TENM1: variants seen among roughly 807,000 people sequenced by gnomAD.
The protein encoded by TENM1 is teneurin-1.
Under a neutral mutation model 174.8 loss-of-function variants are expected in TENM1, and 35 were observed. The observed-to-expected ratio is 0.20, with a 90% CI of 0.15 to 0.27. The LOEUF is 0.27. Among genes scored for constraint, TENM1 ranks in the 10% least tolerant of loss-of-function variants. The pLI is 1.00. For missense variants in TENM1, 1,633 were observed against 2,130.1 expected (o/e 0.77, Z 4.59); for synonymous variants, 781 against 798.7 (o/e 0.98, Z 0.37).
At chrX:124,950,043 A>T (rs1326656106) in intron 1 of TENM1, among the ~76,000 whole-genome samples, 1 of 110,853 alleles carries the variant, frequency 9.0e-6, no homozygotes, top group Non-Finnish European at 1.9e-5. Context: ...GCCATCCTTG[A>T]GGCACATTGA....
chrX:124,923,521 T>C (rs770265036), intron 1 of TENM1, among the ~76,000 whole-genome samples: 1 of 112,204 alleles, frequency 8.9e-6, no homozygotes, highest in Non-Finnish European at 1.9e-5. Context: ...GTAGGCAGAA[T>C]AATGCCTAAA....
At chrX:124,987,157 A>T in the TENM1 span, among the ~76,000 whole-genome samples, 1 of 111,280 alleles carries the variant, frequency 9.0e-6, no homozygotes, top group African/African-American at 3.3e-5. Context: ...CTAAATTGAG[A>T]TCCCATAATA....
intron 3 of TENM1, among the ~76,000 whole-genome samples, chrX:124,813,309 G>A (rs1389021603): frequency 2.7e-5 from 3 of 111,644 alleles, no homozygotes; most frequent in African/African-American, 9.7e-5. Context: ...ATGTTTACAA[G>A]TATTTGAAGA....
At chrX:124,495,770 A>G (rs1338953029) in intron 20 of TENM1, among the ~76,000 whole-genome samples, 1 of 101,797 alleles carries the variant, frequency 9.8e-6, no homozygotes. Context: ...GGAAGAATCA[A>G]TATCGTGAAA....
intron 24 of TENM1, 107 bp from the exon 28 acceptor site, chrX:124,420,928 C>T: frequency 1.3e-6 from 1 of 750,312 alleles, no homozygotes; most frequent in Non-Finnish European, 1.9e-6. Context: ...AGGAAACAAT[C>T]AGTGAACCAA....
intron 3 of TENM1, among the ~76,000 whole-genome samples, chrX:124,809,843 G>GGGGAGA (rs1556343852): frequency 2.5e-5 from 2 of 78,674 alleles, no homozygotes; most frequent in East Asian, 4.2e-4. Context: ...CATGACAGCA[G>GGGGAGA]GAGAGAGAGA....
the TENM1 span, among the ~76,000 whole-genome samples, chrX:125,202,148 C>T: frequency 8.9e-6 from 1 of 111,941 alleles, no homozygotes; most frequent in African/African-American, 3.2e-5. Context: ...GGAAGATGAA[C>T]TGGGCTATTT....
At chrX:125,160,164 G>A in the TENM1 span, among the ~76,000 whole-genome samples, 44 of 101,040 alleles carry the variant, frequency 4.4e-4, no homozygotes, top group Middle Eastern at 5.6e-3. Context: ...CACCACTACT[G>A]CACTCTAACT....
At chrX:125,093,702 C>T in the TENM1 span, among the ~76,000 whole-genome samples, 1 of 111,679 alleles carries the variant, frequency 9.0e-6, no homozygotes, top group Non-Finnish European at 1.9e-5. Context: ...AAAGAAAATC[C>T]AGGGCTTTAT....
chrX:125,012,946 G>A, the TENM1 span, among the ~76,000 whole-genome samples: 1 of 111,735 alleles, frequency 8.9e-6, no homozygotes, highest in African/African-American at 3.2e-5. Context: ...ATTTACAAGT[G>A]AAAATAATCA....
chrX:124,973,126 A>G, the TENM1 span, among the ~76,000 whole-genome samples: 1 of 111,965 alleles, frequency 8.9e-6, no homozygotes, highest in Non-Finnish European at 1.9e-5. Context: ...GCCTATGGCT[A>G]GCCAGTTTTC....
chrX:124,889,416 G>A (rs1357584101), intron 3 of TENM1, among the ~76,000 whole-genome samples: 2 of 111,380 alleles, frequency 1.8e-5, no homozygotes, highest in Non-Finnish European at 3.8e-5. Context: ...TATGGGGTAT[G>A]GGGTTTTTAT....
At chrX:125,192,130 T>C in the TENM1 span, among the ~76,000 whole-genome samples, 1 of 111,348 alleles carries the variant, frequency 9.0e-6, no homozygotes, top group East Asian at 2.8e-4. Context: ...CTGTTCTTTA[T>C]TTTAAAACAA....
At chrX:124,543,857 T>C (rs1038484079) in intron 15 of TENM1, among the ~76,000 whole-genome samples, 9 of 112,584 alleles carry the variant, frequency 8.0e-5, no homozygotes, top group African/African-American at 2.9e-4. Context: ...TTCCATGGGC[T>C]TTCACATGTG....
intron 11 of TENM1, among the ~76,000 whole-genome samples, chrX:124,590,740 G>A (rs943159229): frequency 5.4e-5 from 6 of 112,040 alleles, no homozygotes; most frequent in African/African-American, 1.6e-4. Flanking sequence ...TTCTGTAGAT[G>A]TCTACTAGGT....
At chrX:124,580,725 T>C (rs142065057) in intron 11 of TENM1, among the ~76,000 whole-genome samples, 1 of 111,042 alleles carries the variant, frequency 9.0e-6, no homozygotes, top group Non-Finnish European at 1.9e-5. Context: ...ATTAAAAAGT[T>C]TTTTTACCTT....
intron 1 of TENM1, among the ~76,000 whole-genome samples, chrX:124,944,972 C>T (rs1009923559): frequency 9.0e-6 from 1 of 110,842 alleles, no homozygotes; most frequent in Non-Finnish European, 1.9e-5. Flanking sequence ...CTAGCACACC[C>T]TTTCACTCTA....
At chrX:124,790,982 C>T (rs181926597) in intron 3 of TENM1, among the ~76,000 whole-genome samples, 3 of 111,569 alleles carry the variant, frequency 2.7e-5, no homozygotes, top group East Asian at 5.6e-4. Flanking sequence ...CAAGGTGACA[C>T]GTTAAAGTGC....
the TENM1 span, among the ~76,000 whole-genome samples, chrX:125,176,933 A>G: frequency 3.6e-5 from 4 of 111,962 alleles, no homozygotes; most frequent in African/African-American, 9.7e-5. Flanking sequence ...TCCAGTATGT[A>G]GATGTAAGCT....
Sources: allele counts gnomAD v4.1 joint callset (sites outside exome capture counted in the v4.1 genomes callset), GRCh38; gene constraint gnomAD v4.1.1; transcripts MANE v1.5; gene names NCBI Gene and HGNC (gene_info 2026-07-23, HGNC 2026-07-21).